The following BET1 variants were observed in gnomAD, a reference collection of about 807,000 sequenced individuals.
BET1 encodes Bet1 golgi vesicular membrane trafficking protein, also known as BET1 homolog.
In BET1, 9 loss-of-function variants were observed where a neutral mutation model predicts 13.9. That is an observed-to-expected ratio of 0.65 (90% CI 0.39 to 1.13). The LOEUF is 1.13. Ranked by LOEUF, BET1 falls within the 50% of genes most tolerant of loss-of-function variation. The pLI is 0.01. For synonymous variants in BET1, 39 were observed against 47.3 expected (o/e 0.82, Z 0.72); for missense variants, 127 against 133.6 (o/e 0.95, Z 0.24).
chr7:93,969,816 G>T (rs1265027988), intron 6 of BET1: 1 of 151,716 alleles, frequency 6.6e-6, no homozygotes, highest in Non-Finnish European at 1.5e-5. Flanking sequence ...TTCTGGAAAT[G>T]ATAATTTGTT....
downstream of BET1, chr7:93,993,092 G>C (rs1795673178): frequency 1.9e-5 from 19 of 979,514 alleles, no homozygotes; most frequent in Non-Finnish European, 2.3e-5. Context: ...AAGAATTAAA[G>C]AGATTTTTGA....
intron 6 of BET1, among the ~76,000 whole-genome samples, chr7:93,966,582 G>A (rs1455803085): frequency 6.6e-6 from 1 of 151,084 alleles, no homozygotes; most frequent in Non-Finnish European, 1.5e-5. Flanking sequence ...AAAGTCTGAC[G>A]GAGGTACCAG....
At chr7:93,996,852 T>C (rs1262722662) in intron 2 of BET1, among the ~76,000 whole-genome samples, 1 of 151,846 alleles carries the variant, frequency 6.6e-6, no homozygotes, top group East Asian at 1.9e-4. Flanking sequence ...CCAACCTTAT[T>C]ACATTTTGAA....
At chr7:93,990,870 T>G (rs1384876181), downstream of BET1, among the ~76,000 whole-genome samples, 2 of 152,154 alleles carry the variant, frequency 1.3e-5, no homozygotes, top group African/African-American at 4.8e-5. Context: ...TTATGCTTAT[T>G]TCTTTCTCTT....
At chr7:93,971,138 A>T (rs530672658) in intron 6 of BET1, among the ~76,000 whole-genome samples, 1 of 151,968 alleles carries the variant, frequency 6.6e-6, no homozygotes, top group South Asian at 2.1e-4. Flanking sequence ...ATAGATTAAA[A>T]TATATACTGT....
At chr7:93,996,643 C>G (rs562830944) in intron 2 of BET1, among the ~76,000 whole-genome samples, 11 of 150,804 alleles carry the variant, frequency 7.3e-5, no homozygotes, top group Admixed American at 3.3e-4. Context: ...TATTATATTC[C>G]TACAAAAGCT....
intron 6 of BET1, among the ~76,000 whole-genome samples, chr7:93,971,763 C>T (rs969632555): frequency 1.3e-5 from 2 of 151,622 alleles, no homozygotes; most frequent in African/African-American, 4.8e-5. Context: ...TAATGTAATA[C>T]ATATGAAATT....
In BET1 at chr7:93,993,471, TACTTA is replaced by T; in HGVS notation, c.*754_*758del. ...CTATTTCCATTTAAAGTTCAGTAAT[TACTTA>T]ACTTCACATTATTCTGTCACAAATG... is the stretch of plus-strand genomic sequence containing the variant. On this transcript the variant is annotated 3_prime_UTR_variant, in exon 4 of 4. Transcript: ENST00000222547. The T allele has an allele frequency of 1.0e-6, 1 of 981,262 alleles. No homozygotes were observed. The allele number at this position is 981,262 out of a possible 1,614,324, so 60.8% of individuals were successfully genotyped here. A position where few individuals can be genotyped will look rare whatever the true frequency, so the allele number is the denominator to read the frequency against.
intron 6 of BET1, among the ~76,000 whole-genome samples, chr7:93,966,137 T>C (rs1584120199): frequency 6.6e-6 from 1 of 151,988 alleles, no homozygotes; most frequent in African/African-American, 2.4e-5. Context: ...AAATTACTGA[T>C]ATGATTCTGA....
exon 5 of BET1, chr7:93,975,941 ATTT>A: frequency 2.4e-6 from 3 of 1,232,696 alleles, no homozygotes; most frequent in Non-Finnish European, 2.1e-6. Context: ...CAGAGTCATT[ATTT>A]TGACATGTCA....
rs138351789 is a variant in BET1 at position 94,000,974 on chromosome 7, A to T, written c.20-1680T>A. Among the ~76,000 whole-genome samples the T allele has an allele frequency of 2.4e-3, 366 of 152,280 alleles. 2 individuals carry two copies. The highest frequency in any genetic ancestry group is 8.3e-3 in the African/African-American group (344 of 41,556). On this transcript the variant is annotated intron_variant, in intron 1 of 3. Transcript: ENST00000222547. ...GCAACACAGCAAGACCTCATCTATT[A>T]AAAACAAACAAAACTAGAAGTCTCC...
chr7:93,979,662 AC>A (rs1562801855), intron 4 of BET1, among the ~76,000 whole-genome samples: 1 of 152,070 alleles, frequency 6.6e-6, no homozygotes, highest in Non-Finnish European at 1.5e-5. Flanking sequence ...TCTCTTTCTC[AC>A]CATAATCCCC....
At chr7:93,967,286 G>T (rs1795190009) in intron 6 of BET1, among the ~76,000 whole-genome samples, 1 of 151,730 alleles carries the variant, frequency 6.6e-6, no homozygotes, top group African/African-American at 2.4e-5. Context: ...TTCATAGTCT[G>T]GTAACACTTT....
intron 1 of BET1, chr7:93,999,822 G>C: frequency 2.5e-6 from 1 of 400,296 alleles, no homozygotes; most frequent in South Asian, 1.8e-5. Context: ...CTCTAGGAAA[G>C]AGACACAATA....
intron 4 of BET1, among the ~76,000 whole-genome samples, chr7:93,987,567 T>G (rs1452301277): frequency 6.6e-6 from 1 of 152,094 alleles, no homozygotes; most frequent in African/African-American, 2.4e-5. Flanking sequence ...TACAACTGGG[T>G]TTCCGTATCT....
At chr7:93,962,983 G>GA (rs1038719832) in exon 7 of BET1, 1 of 151,902 alleles carries the variant, frequency 6.6e-6, no homozygotes, top group African/African-American at 2.4e-5. Context: ...GGGATGTTTG[G>GA]AAAAAATCCT....
At position 93,999,304 on chromosome 7, in the gene BET1, T is replaced by A; in HGVS notation, c.20-10A>T. On this transcript the variant is annotated splice_polypyrimidine_tract_variant and intron_variant, in intron 1 of 3. Transcript: ENST00000222547. ...GGAGGTACTCCTTCACCTGCAAGGA[T>A]CAGAGTCACAAAGGTGGTTCTAGAG... is the stretch of plus-strand genomic sequence containing the variant. 6.2e-7 allele frequency: 1 copy of A among 1,600,570 alleles called. No individual in the cohort carries two copies. The highest frequency in any genetic ancestry group is 1.1e-5 in the South Asian group (1 of 87,770).
intron 3 of BET1, among the ~76,000 whole-genome samples, chr7:93,995,197 G>C (rs1795736765): frequency 6.6e-6 from 1 of 152,128 alleles, no homozygotes; most frequent in African/African-American, 2.4e-5. Flanking sequence ...CTTTGAAGTA[G>C]AGTCTATTAA....
chr7:93,991,642 T>C (rs1364004708), downstream of BET1: 4 of 230,820 alleles, frequency 1.7e-5, no homozygotes, highest in Non-Finnish European at 2.9e-5. Flanking sequence ...TTTTTATTCC[T>C]GTTTTACAAA....
Sources: allele counts gnomAD v4.1 joint callset (sites outside exome capture counted in the v4.1 genomes callset), GRCh38; gene constraint gnomAD v4.1.1; transcripts MANE v1.5; gene names NCBI Gene and HGNC (gene_info 2026-07-23, HGNC 2026-07-21).